NPAS3: variants seen among roughly 807,000 people sequenced by gnomAD.
NPAS3 encodes the protein neuronal PAS domain protein 3.
A neutral mutation model predicts 73.1 loss-of-function variants in NPAS3; 14 were observed. The ratio of observed to expected loss-of-function variants is 0.19; its 90% CI spans 0.13 to 0.30. The LOEUF is 0.30. Ranked by LOEUF, NPAS3 falls within the 10% of genes least tolerant of loss-of-function variation. The pLI, the probability that NPAS3 is intolerant of heterozygous loss-of-function variation, is 1.00. For synonymous variants in NPAS3, 620 were observed against 541.5 expected (o/e 1.14, Z -2.01); for missense variants, 1,096 against 1,250.0 (o/e 0.88, Z 1.86).
intron 4 of NPAS3, among the ~76,000 whole-genome samples, chr14:33,500,745 G>A (rs2052471683): frequency 6.6e-6 from 1 of 151,940 alleles, no homozygotes; most frequent in South Asian, 2.1e-4. Flanking sequence ...CTGTCAGGCA[G>A]GGTAACCATA....
chr14:33,150,316 T>C (rs4143873), intron 2 of NPAS3, among the ~76,000 whole-genome samples: 38,071 of 152,190 alleles, frequency 0.25, 5,474 homozygotes, highest in East Asian at 0.46. Context: ...TCAGCACTCA[T>C]CCTTCATCAA....
At chr14:32,984,119 T>C (rs1253082412) in intron 1 of NPAS3, among the ~76,000 whole-genome samples, 1 of 152,238 alleles carries the variant, frequency 6.6e-6, no homozygotes, top group Non-Finnish European at 1.5e-5. Context: ...AGATTCAGTA[T>C]ATGTAACACA....
chr14:33,589,433 T>G (rs2056984192), intron 5 of NPAS3, among the ~76,000 whole-genome samples: 1 of 152,222 alleles, frequency 6.6e-6, no homozygotes, highest in Admixed American at 6.5e-5. Context: ...TTCTAACTGC[T>G]GATTTCCATG....
intron 5 of NPAS3, among the ~76,000 whole-genome samples, chr14:33,665,872 G>A (rs1462873767): frequency 2.0e-5 from 3 of 151,782 alleles, no homozygotes. Flanking sequence ...AAAAAAAATC[G>A]TCCACCATAA....
chr14:33,014,677 G>T (rs1188268462), intron 1 of NPAS3, among the ~76,000 whole-genome samples: 1 of 152,074 alleles, frequency 6.6e-6, no homozygotes, highest in Admixed American at 6.6e-5. Flanking sequence ...TTAGGTACCT[G>T]GGTAATAATA....
At chr14:33,738,295 G>A (rs185668119) in intron 7 of NPAS3, among the ~76,000 whole-genome samples, 272 of 152,276 alleles carry the variant, frequency 1.8e-3, no homozygotes, top group African/African-American at 6.1e-3. Flanking sequence ...AAGGCTGTCC[G>A]CTTGGCCCCT....
At chr14:33,215,331 C>T in exon 3 of NPAS3, 1 of 1,587,796 alleles carries the variant, frequency 6.3e-7, no homozygotes, top group Non-Finnish European at 8.7e-7. Context: ...ATTCGACTTA[C>T]AATTAGCTAT....
chr14:33,504,009 G>C (rs528367241), intron 4 of NPAS3, among the ~76,000 whole-genome samples: 5 of 152,074 alleles, frequency 3.3e-5, no homozygotes, highest in African/African-American at 1.2e-4. Context: ...TATTCCAAGT[G>C]TTGTAAAAAT....
At chr14:33,626,969 C>T (rs975415802) in intron 5 of NPAS3, among the ~76,000 whole-genome samples, 2 of 152,026 alleles carry the variant, frequency 1.3e-5, no homozygotes, top group Non-Finnish European at 2.9e-5. Flanking sequence ...GTAATATTAA[C>T]ATTTATTCCA....
chr14:33,440,420 C>T (rs532239172), intron 4 of NPAS3, among the ~76,000 whole-genome samples: 5 of 152,246 alleles, frequency 3.3e-5, no homozygotes, highest in East Asian at 1.9e-4. Flanking sequence ...TGACTACTTT[C>T]GTTGGAGTTT....
At chr14:33,793,698 GGCTCCA>G (rs2063430501) in intron 9 of NPAS3, among the ~76,000 whole-genome samples, 193 bp from the exon 10 acceptor site, 1 of 152,182 alleles carries the variant, frequency 6.6e-6, no homozygotes, top group Non-Finnish European at 1.5e-5. Context: ...CAGTAACCCT[GGCTCCA>G]GAGCTGCCGC....
intron 4 of NPAS3, among the ~76,000 whole-genome samples, chr14:33,375,141 G>A (rs1470379120): frequency 2.0e-5 from 3 of 152,120 alleles, no homozygotes; most frequent in African/African-American, 7.2e-5. Flanking sequence ...TCAAATAATA[G>A]GAGCATTTTG....
chr14:33,773,458 G>A (rs746323030), intron 7 of NPAS3, among the ~76,000 whole-genome samples: 2 of 152,142 alleles, frequency 1.3e-5, no homozygotes, highest in Non-Finnish European at 2.9e-5. Context: ...AGGCATAGTG[G>A]CACAAATCCT....
At chr14:33,617,545 TCTTG>T (rs2057956942) in intron 5 of NPAS3, among the ~76,000 whole-genome samples, 1 of 152,216 alleles carries the variant, frequency 6.6e-6, no homozygotes, top group Non-Finnish European at 1.5e-5. Flanking sequence ...GTTATATCTC[TCTTG>T]CTTCCAAAAT....
chr14:33,308,527 T>TATATATATACAC lies in NPAS3; in HGVS notation c.386-58658_386-58657insTATATATACACA. On this transcript the variant is annotated intron_variant, in intron 3 of 11. Coordinates refer to ENST00000356141, the Ensembl canonical transcript of NPAS3. ...TGCATAGTTTATATATATATATATA[T>TATATATATACAC]ACATACACACACACACACACACACA... Among the ~76,000 whole-genome samples, 76 of 103,708 alleles carry TATATATATACAC rather than the reference T, an allele frequency of 7.3e-4. 3 individuals are homozygous for TATATATATACAC. The highest frequency in any genetic ancestry group is 2.5e-3 in the African/African-American group (54 of 21,600). 68.0% of individuals were successfully genotyped at this position (103,708 alleles called of 152,430 possible).
intron 7 of NPAS3, among the ~76,000 whole-genome samples, chr14:33,759,259 C>T (rs926440165): frequency 1.3e-5 from 2 of 152,220 alleles, no homozygotes; most frequent in Admixed American, 1.3e-4. Context: ...AAGGTCATTG[C>T]TTTGGGAAAG....
chr14:33,415,543 C>T (rs1203409855), intron 4 of NPAS3, among the ~76,000 whole-genome samples: 3 of 152,018 alleles, frequency 2.0e-5, no homozygotes, highest in African/African-American at 7.2e-5. Context: ...ATGTAAATTG[C>T]CCTATATGTA....
At chr14:33,129,472 A>G (rs2043553566) in intron 2 of NPAS3, among the ~76,000 whole-genome samples, 1 of 152,184 alleles carries the variant, frequency 6.6e-6, no homozygotes, top group South Asian at 2.1e-4. Context: ...CCTCATAAGT[A>G]GATCTTTTTT....
intron 2 of NPAS3, among the ~76,000 whole-genome samples, chr14:33,135,122 G>A (rs2043785357): frequency 6.6e-6 from 1 of 152,200 alleles, no homozygotes; most frequent in Non-Finnish European, 1.5e-5. Flanking sequence ...TATTGTGAAA[G>A]TCTGAAATTC....
Sources: gnomAD v4.1 joint callset for allele counts (sites outside exome capture counted in the v4.1 genomes callset) on GRCh38, gnomAD v4.1.1 for gene constraint, MANE v1.5 for transcripts, NCBI Gene and HGNC (gene_info 2026-07-23, HGNC 2026-07-21) for gene names.